GRM7: variants seen among roughly 807,000 people sequenced by gnomAD.
GRM7 encodes metabotropic glutamate receptor 7.
Under a neutral mutation model 84.5 loss-of-function variants are expected in GRM7, and 35 were observed. The observed-to-expected ratio is 0.41, with a 90% confidence interval of 0.32 to 0.55. The LOEUF (loss-of-function observed/expected upper bound fraction) is 0.55. Ranked by LOEUF, GRM7 falls within the 20% of genes least tolerant of loss-of-function variation. GRM7 has a pLI of 0.19. For missense variants in GRM7, 1,003 were observed against 1,194.6 expected (o/e 0.84, Z 2.36); for synonymous variants, 487 against 455.1 (o/e 1.07, Z -0.89).
At chr3:7,613,305 G>A (rs1696930744) in intron 8 of GRM7, among the ~76,000 whole-genome samples, 1 of 152,118 alleles carries the variant, frequency 6.6e-6, no homozygotes, top group Non-Finnish European at 1.5e-5. Context: ...CTGCTAGATA[G>A]GATTTAGTCT....
chr3:7,472,307 A>G (rs1698733896), intron 7 of GRM7, among the ~76,000 whole-genome samples: 1 of 152,232 alleles, frequency 6.6e-6, no homozygotes, highest in Admixed American at 6.5e-5. Flanking sequence ...AAAATGGACT[A>G]AGAGAGTTCA....
chr3:6,950,940 C>T (rs1320682302), intron 1 of GRM7, among the ~76,000 whole-genome samples: 1 of 152,190 alleles, frequency 6.6e-6, no homozygotes, highest in Non-Finnish European at 1.5e-5. Context: ...CCCGATTTTC[C>T]AGGTGCAGTC....
At chr3:7,270,111 C>T (rs911784600) in intron 2 of GRM7, among the ~76,000 whole-genome samples, 1 of 152,184 alleles carries the variant, frequency 6.6e-6, no homozygotes, top group Non-Finnish European at 1.5e-5. Flanking sequence ...AAGATGTTCT[C>T]TTGGGATGCT....
chr3:7,560,837 A>G (rs1000046266), intron 7 of GRM7, among the ~76,000 whole-genome samples: 7 of 152,204 alleles, frequency 4.6e-5, no homozygotes, highest in African/African-American at 1.7e-4. Context: ...CCTGTTTAAC[A>G]CTTATTATAA....
At chr3:7,445,705 C>G (rs1434392282) in intron 5 of GRM7, among the ~76,000 whole-genome samples, 1 of 152,148 alleles carries the variant, frequency 6.6e-6, no homozygotes. Flanking sequence ...GAAAGATGCA[C>G]CAAAGTCAAC....
intron 7 of GRM7, among the ~76,000 whole-genome samples, chr3:7,502,957 A>G (rs1575424664): frequency 6.6e-6 from 1 of 152,198 alleles, no homozygotes; most frequent in East Asian, 1.9e-4. Context: ...AATGTGACTT[A>G]GGAATCTCAG....
intron 1 of GRM7, among the ~76,000 whole-genome samples, chr3:7,092,806 G>A (rs1698717482): frequency 6.6e-6 from 1 of 152,176 alleles, no homozygotes; most frequent in South Asian, 2.1e-4. Context: ...ATTACTGACT[G>A]GGCACCTTGG....
At chr3:6,927,461 G>GAA (rs1559333228) in intron 1 of GRM7, among the ~76,000 whole-genome samples, 2 of 71,794 alleles carry the variant, frequency 2.8e-5, no homozygotes, top group African/African-American at 1.5e-4. Flanking sequence ...AAGAAAGAGA[G>GAA]AGAGAAAGAA....
chr3:6,915,813 G>A lies in GRM7; in HGVS notation c.519+53906G>A, dbSNP rs532733068. 1.1e-4 allele frequency among the ~76,000 whole-genome samples: 16 copies of A among 152,222 alleles called. No individual in the cohort carries two copies. In the East Asian group the frequency reaches 3.1e-3, roughly 29 times the overall value. On this transcript the variant is annotated intron_variant, in intron 1 of 9. Coordinates refer to ENST00000357716, the MANE Select transcript of GRM7 (RefSeq NM_000844.4). ...TACCTTTCACCCAAACATAATAACA[G>A]TAAATTTTTTTTAACCAAAGACTGA... is the stretch of plus-strand genomic sequence containing the variant.
At chr3:7,509,839 G>GA (rs36101257) in intron 7 of GRM7, among the ~76,000 whole-genome samples, 95,779 of 151,686 alleles carry the variant, frequency 0.63, 30,580 homozygotes, top group East Asian at 0.74. Context: ...TCAGGGGATT[G>GA]AAAAAATAAC....
chr3:7,437,170 C>G (rs1357132289), intron 5 of GRM7, among the ~76,000 whole-genome samples: 1 of 152,156 alleles, frequency 6.6e-6, no homozygotes, highest in African/African-American at 2.4e-5. Flanking sequence ...ATCTCTTCTA[C>G]TTTAAGCTTT....
chr3:6,894,708 C>G (rs1696110632), intron 1 of GRM7, among the ~76,000 whole-genome samples: 1 of 152,084 alleles, frequency 6.6e-6, no homozygotes, highest in Non-Finnish European at 1.5e-5. Context: ...GGGTAGGCTT[C>G]CAGCAGCTTT....
intron 8 of GRM7, among the ~76,000 whole-genome samples, chr3:7,594,938 C>CTGTG (rs3840238): frequency 4.9e-4 from 73 of 150,120 alleles, no homozygotes; most frequent in African/African-American, 1.5e-3. Flanking sequence ...GTCTTCCTTT[C>CTGTG]TGTGTGTGTG....
chr3:7,355,095 T>A (rs778979713), intron 4 of GRM7, among the ~76,000 whole-genome samples: 12 of 152,076 alleles, frequency 7.9e-5, no homozygotes, highest in Non-Finnish European at 1.2e-4. Flanking sequence ...AGGTGGTAAA[T>A]AAATCAGGCT....
intron 9 of GRM7, among the ~76,000 whole-genome samples, chr3:7,734,768 G>A (rs1303867198): frequency 6.6e-6 from 1 of 151,988 alleles, no homozygotes; most frequent in African/African-American, 2.4e-5. Context: ...CCATTTTTTT[G>A]GTAGTCATGT....
intron 2 of GRM7, among the ~76,000 whole-genome samples, chr3:7,276,201 A>ATGTGTGTGTGTG (rs761570108): frequency 7.5e-6 from 1 of 134,146 alleles, no homozygotes; most frequent in Non-Finnish European, 1.6e-5. Context: ...TTATATATAT[A>ATGTGTGTGTGTG]TATATATGTG....
chr3:7,056,823 ATATT>A (rs1198062991), intron 1 of GRM7, among the ~76,000 whole-genome samples: 1 of 152,022 alleles, frequency 6.6e-6, no homozygotes, highest in Admixed American at 6.6e-5. Context: ...TAGTAGTATA[ATATT>A]TAGTCACATT....
chr3:7,311,763 A>T (rs113187063), intron 4 of GRM7, among the ~76,000 whole-genome samples: 13,038 of 151,526 alleles, frequency 0.086, 1,845 homozygotes, highest in African/African-American at 0.3. Context: ...CCTGGCTAAT[A>T]TTTGTATTTT....
chr3:7,348,141 G>A (rs188746234), intron 4 of GRM7, among the ~76,000 whole-genome samples: 9 of 152,128 alleles, frequency 5.9e-5, no homozygotes, highest in African/African-American at 2.2e-4. Context: ...GACTTTTATC[G>A]GCCTAGGTCA....
Sources: allele counts gnomAD v4.1 joint callset (sites outside exome capture counted in the v4.1 genomes callset), GRCh38; gene constraint gnomAD v4.1.1; transcripts MANE v1.5; gene names NCBI Gene and HGNC (gene_info 2026-07-23, HGNC 2026-07-21).